The following ZBTB21 variants were observed in gnomAD, a reference collection of about 807,000 sequenced individuals.
ZBTB21 encodes zinc finger and BTB domain containing 21.
Under a neutral mutation model 39.8 loss-of-function variants are expected in ZBTB21, and 10 were observed. The observed-to-expected ratio is 0.25, with a 90% CI of 0.16 to 0.43. ZBTB21 has a LOEUF of 0.43. Ranked by LOEUF, ZBTB21 falls within the 20% of genes least tolerant of loss-of-function variation. ZBTB21 has a pLI of 1.00. For missense variants in ZBTB21, 1,221 were observed against 1,296.3 expected (o/e 0.94, Z 0.89); for synonymous variants, 551 against 498.8 (o/e 1.10, Z -1.40).
intron 1 of ZBTB21, chr21:42,007,783 T>A (rs553220515): frequency 6.6e-6 from 1 of 152,310 alleles, no homozygotes; most frequent in Admixed American, 6.5e-5. Context: ...AAGAGAGAAA[T>A]CATCAAACTT....
At chr21:42,006,357 G>C (rs2065878343) in intron 1 of ZBTB21, among the ~76,000 whole-genome samples, 1 of 151,682 alleles carries the variant, frequency 6.6e-6, no homozygotes, top group South Asian at 2.1e-4. Flanking sequence ...GAAGGATGCA[G>C]TGAGCTGAGA....
rs1365818706 is a variant in ZBTB21 at position 41,992,976 on chromosome 21, C to A, written c.1120G>T (p.Gly374Trp). The change falls in exon 3 of 3, where the codon GGG (glycine) becomes TGG (tryptophan). Residue 374 changes from glycine to tryptophan, a missense_variant. Physicochemically the swap from Gly to Trp is radical, Grantham distance 184 (BLOSUM62 -2). Transcript: ENST00000310826. This position sits in a 1 kb window ranked among gnomAD's most constrained non-coding sequence, Gnocchi z 4.1. ...TGAGATAAAGCACACAACACATTCC[C>A]TGGTGCATCACTGGACACCGAAGAT... is the stretch of plus-strand genomic sequence containing the variant. ...GSSSVSSDAP[G>W]NVLCALSQKS... 6.2e-7 allele frequency: 1 copy of A among 1,614,044 alleles called. No individual in the cohort carries two copies. The highest frequency in any genetic ancestry group is 1.3e-5 in the African/African-American group (1 of 74,920).
chr21:41,996,557 T>C (rs2065749727), intron 2 of ZBTB21, among the ~76,000 whole-genome samples: 2 of 152,222 alleles, frequency 1.3e-5, no homozygotes, highest in South Asian at 4.1e-4. Flanking sequence ...TGCAGGCTCA[T>C]AGGCGGAAGG....
At position 41,991,385 on chromosome 21, in the gene ZBTB21, T is replaced by C. The variant is rs2146276519; in HGVS notation, c.2711A>G (p.Lys904Arg). 6.2e-7 allele frequency: 1 copy of C among 1,606,694 alleles called. No homozygotes were observed. Among genetic ancestry groups the C allele is most frequent in the East Asian group, 2.2e-5 (1 of 44,826 alleles). The change falls in exon 3 of 3, where the codon AAA (lysine) becomes AGA (arginine). Residue 904 changes from lysine (K) to arginine (R), a missense_variant. Transcript: ENST00000310826. This position sits in a 1 kb window ranked among gnomAD's most constrained non-coding sequence, Gnocchi z 4.9. ...STAPKEAGPS[K>R]EASLWPCEKC... is the part of the protein sequence containing the mutation. ...CTCGCAGGGCCACAGGCTGGCTTCT[T>C]TGCTAGGACCCGCTTCTTTGGGGGC...
Position 41,992,028 on chromosome 21 carries a change from T to C in ZBTB21, c.2068A>G (p.Lys690Glu), listed in dbSNP as rs748120189. Residue 690 changes from lysine (K) to glutamate (E), a missense_variant, in exon 3 of 3, where the codon AAA (lysine) becomes GAA (glutamate). By Grantham distance (56) the Lys-to-Glu change is moderately conservative (BLOSUM62 1). Around this residue, in one of 4 missense-constraint regions of ZBTB21, gnomAD observed 523 missense variants for 542.5 expected, o/e 0.96. Coordinates refer to ENST00000310826, the MANE Select transcript of ZBTB21 (RefSeq NM_001098402.2). This position sits in a 1 kb window ranked among gnomAD's most constrained non-coding sequence, Gnocchi z 4.1. ...AGGGGTTTTTCTCCTGGATGCATTT[T>C]TATATGCTGCTTAAATTGAGAGAGA... ...RFLSQFKQHI[K>E]MHPGEKPLGV... 6.2e-7 allele frequency: 1 copy of C among 1,614,256 alleles called. No individual in the cohort carries two copies. Among genetic ancestry groups the C allele is most frequent in the South Asian group, 1.1e-5 (1 of 91,090 alleles).
Position 41,992,588 on chromosome 21 carries a change from C to G in ZBTB21, c.1508G>C (p.Gly503Ala), listed in dbSNP as rs766460973. Residue 503 changes from glycine to alanine, a missense_variant, in exon 3 of 3, where the codon GGG (glycine) becomes GCG (alanine). By Grantham distance (60) the Gly-to-Ala change is moderately conservative. Around this residue, in one of 4 missense-constraint regions of ZBTB21, gnomAD observed 500 missense variants for 465.6 expected, o/e 1.07. Transcript: ENST00000310826. This position sits in a 1 kb window ranked among gnomAD's most constrained non-coding sequence, Gnocchi z 4.1. ...PFKKLKVNEHGSPVSEDNFEE... is the reference protein window; with the variant it reads ...PFKKLKVNEHASPVSEDNFEE... ...AAAATTATCTTCTGACACAGGAGAC[C>G]CGTGCTCATTCACCTTTAACTTCTT... 6.2e-7 allele frequency: 1 copy of G among 1,614,136 alleles called. No individual in the cohort carries two copies. Among genetic ancestry groups the G allele is most frequent in the Non-Finnish European group, 8.5e-7 (1 of 1,180,028 alleles).
chr21:42,008,557 AAAAAAG>A (rs2065912322), intron 1 of ZBTB21, among the ~76,000 whole-genome samples: 3 of 131,604 alleles, frequency 2.3e-5, no homozygotes, highest in African/African-American at 7.6e-5. Context: ...AAAAAAAAAA[AAAAAAG>A]AAAAAAAGAA....
rs1270551577 is a variant in ZBTB21 at position 41,988,191 on chromosome 21, T to C, written c.*2704A>G. ...GTGATAAAAACATGTTTTATGTTACTCCTTCCTTCTCCCACATAAACGATT... is the reference window on the plus strand; with the variant it reads ...GTGATAAAAACATGTTTTATGTTACCCCTTCCTTCTCCCACATAAACGATT... On this transcript the variant is annotated 3_prime_UTR_variant, in exon 3 of 3. Coordinates refer to ENST00000310826, the MANE Select transcript of ZBTB21 (RefSeq NM_001098402.2). The C allele has an allele frequency of 1.2e-5, 1 of 82,832 alleles. No individual in the cohort carries two copies. The highest frequency in any genetic ancestry group is 2.6e-5 in the Non-Finnish European group (1 of 38,830). The allele number at this position is 82,832 out of a possible 1,614,324, so 5.1% of individuals were successfully genotyped here. A position where few individuals can be genotyped will look rare whatever the true frequency, so the allele number is the denominator to read the frequency against.
rs528151678 is a variant in ZBTB21, at chr21:41,994,124, T to G, written c.-13-16A>C. The G allele has an allele frequency of 6.5e-7, 1 of 1,539,446 alleles. No homozygotes were observed. The highest frequency in any genetic ancestry group is 8.7e-7 in the Non-Finnish European group (1 of 1,146,450). On this transcript the variant is annotated splice_polypyrimidine_tract_variant and intron_variant, in intron 2 of 2. Transcript: ENST00000310826. Reference sequence around the variant, plus strand: ...TTGAGTTTATCTAAAAGACAAAATGTAAAATTACTACAGATATTGCAGTGA... The same window carrying G: ...TTGAGTTTATCTAAAAGACAAAATGGAAAATTACTACAGATATTGCAGTGA...
rs746328318 is a variant in ZBTB21, at chr21:41,991,934, ACCT to A, written c.2159_2161del (p.Glu720del). The A allele has an allele frequency of 6.8e-6, 11 of 1,613,782 alleles. No individual in the cohort carries two copies. The South Asian group carries it at 9.9e-5, about 14-fold the overall frequency. ...AGCATTACAGAGGCGGCACTGGTAA[ACCT>A]CCTTGTTTTCTACTGGACTTGCAAG... is the stretch of plus-strand genomic sequence containing the variant. On this transcript the variant is annotated inframe_deletion, in exon 3 of 3. Coordinates refer to ENST00000310826, the MANE Select transcript of ZBTB21 (RefSeq NM_001098402.2). This position sits in a 1 kb window ranked among gnomAD's most constrained non-coding sequence, Gnocchi z 4.9.
At position 41,998,223 on chromosome 21, in the gene ZBTB21, G is replaced by A. The variant is rs529371151; in HGVS notation, c.-13-4115C>T. 8.6e-4 allele frequency among the ~76,000 whole-genome samples: 123 copies of A among 143,682 alleles called. 1 individual carries two copies. The highest frequency in any genetic ancestry group is 2.9e-3 in the African/African-American group (113 of 38,446). The allele number at this position is 143,682 out of a possible 152,430, so 94.3% of individuals were successfully genotyped here. On this transcript the variant is annotated intron_variant, in intron 2 of 2. Transcript: ENST00000310826. The stretch of plus-strand genomic sequence containing the variant: ...TTTTTTTTTTTCTAGACAGGGTCTC[G>A]CTCTGTTGCCCAGGCTGGAGTGCAA...
Position 41,991,558 on chromosome 21 carries a change from C to T in ZBTB21, c.2538G>A (p.Val846=), listed in dbSNP as rs772986065. 51 of 1,614,086 alleles carry T rather than the reference C, an allele frequency of 3.2e-5. No individual in the cohort carries two copies. The highest frequency in any genetic ancestry group is 4.3e-5 in the Non-Finnish European group (51 of 1,180,056). Residue 846 remains valine, a synonymous_variant, in exon 3 of 3, where the codon GTG becomes GTA. Transcript: ENST00000310826. This position sits in a 1 kb window ranked among gnomAD's most constrained non-coding sequence, Gnocchi z 4.9. ...NHIVTTKDDN[V]FSDSSEQVNF... ...TAACTTGTTCTGAAGAATCACTGAA[C>T]ACGTTGTCGTCTTTTGTGGTGACGA...
At chr21:41,999,185 C>T (rs1205411039) in intron 2 of ZBTB21, among the ~76,000 whole-genome samples, 2 of 152,102 alleles carry the variant, frequency 1.3e-5, no homozygotes, top group Admixed American at 6.6e-5. Flanking sequence ...GATGTTGCCA[C>T]AGGGAAAAGC....
chr21:41,996,882 C>T (rs920295899), intron 2 of ZBTB21, among the ~76,000 whole-genome samples: 39 of 152,244 alleles, frequency 2.6e-4, no homozygotes, highest in South Asian at 2.1e-4. Context: ...GGTTTCATAA[C>T]GAGGAGTTCC....
chr21:41,996,474 T>C (rs1215361835), intron 2 of ZBTB21, among the ~76,000 whole-genome samples: 1 of 152,152 alleles, frequency 6.6e-6, no homozygotes, highest in Admixed American at 6.5e-5. Flanking sequence ...ATTTCTCCCA[T>C]TTGGAACGGC....
At chr21:42,004,197 A>G (rs1341090481) in intron 1 of ZBTB21, among the ~76,000 whole-genome samples, 2 of 151,996 alleles carry the variant, frequency 1.3e-5, no homozygotes, top group African/African-American at 4.8e-5. Context: ...ATGGGGTTTC[A>G]CCATATTGGT....
chr21:42,001,727 A>T (rs1441968838), intron 2 of ZBTB21, among the ~76,000 whole-genome samples: 3 of 152,240 alleles, frequency 2.0e-5, no homozygotes, highest in Non-Finnish European at 4.4e-5. Flanking sequence ...TTGGGTGCTT[A>T]TTCTGCCACA....
At chr21:42,008,672 G>C (rs2146356953) in intron 1 of ZBTB21, among the ~76,000 whole-genome samples, 1 of 151,500 alleles carries the variant, frequency 6.6e-6, no homozygotes. Flanking sequence ...CCTTCAGAGT[G>C]TACACATCTA....
chr21:41,999,990 G>A (rs2065798493), intron 2 of ZBTB21, among the ~76,000 whole-genome samples: 1 of 152,174 alleles, frequency 6.6e-6, no homozygotes, highest in African/African-American at 2.4e-5. Context: ...GACAACAGAG[G>A]GTAGGTTATG....
Sources: gnomAD v4.1 joint callset for allele counts (sites outside exome capture counted in the v4.1 genomes callset) on GRCh38, gnomAD v4.1.1 for gene constraint, gnomAD v4.1.1 regional missense constraint, Gnocchi (gnomAD v3.1) non-coding constraint, MANE v1.5 for transcripts, NCBI Gene and HGNC (gene_info 2026-07-23, HGNC 2026-07-21) for gene names.